FSTL5: variants seen among roughly 807,000 people sequenced by gnomAD.
FSTL5 encodes the protein follistatin like 5.
Under a neutral mutation model 89.1 loss-of-function variants are expected in FSTL5, and 62 were observed. The ratio of observed to expected loss-of-function variants is 0.70; its 90% CI spans 0.57 to 0.86. The LOEUF is 0.86. Ranked by LOEUF, FSTL5 falls within the 40% of genes least tolerant of loss-of-function variation. The pLI is 0.00. For synonymous variants in FSTL5, 383 were observed against 346.2 expected (o/e 1.11, Z -1.18); for missense variants, 1,057 against 1,001.6 (o/e 1.06, Z -0.75).
At chr4:161,457,893 A>G (rs1193658008) in intron 14 of FSTL5, among the ~76,000 whole-genome samples, 5 of 152,182 alleles carry the variant, frequency 3.3e-5, no homozygotes, top group East Asian at 1.9e-4. Context: ...GATTGGCTCT[A>G]TCACTCCATC....
At chr4:161,696,288 T>C (rs965486451) in intron 6 of FSTL5, among the ~76,000 whole-genome samples, 1 of 152,226 alleles carries the variant, frequency 6.6e-6, no homozygotes, top group Non-Finnish European at 1.5e-5. Context: ...GGTTTATTAC[T>C]GGGTTCTCTA....
At chr4:161,489,891 C>T (rs1423665452) in intron 12 of FSTL5, among the ~76,000 whole-genome samples, 1 of 151,178 alleles carries the variant, frequency 6.6e-6, no homozygotes, top group African/African-American at 2.4e-5. Context: ...GCTTTTAAAA[C>T]ATGGCTGCAG....
At chr4:161,694,449 T>C (rs1738065928) in intron 6 of FSTL5, among the ~76,000 whole-genome samples, 1 of 152,056 alleles carries the variant, frequency 6.6e-6, no homozygotes. Context: ...ACAGAATTTC[T>C]GTTTTTTTTA....
intron 6 of FSTL5, among the ~76,000 whole-genome samples, chr4:161,658,216 A>C (rs2126683916): frequency 6.6e-6 from 1 of 152,092 alleles, no homozygotes; most frequent in African/African-American, 2.4e-5. Flanking sequence ...CTGTAATTTC[A>C]GCATCGGGAG....
rs563151460 is a variant in FSTL5, at chr4:162,005,015, A to G, written c.160+28610T>C. On this transcript the variant is annotated intron_variant, in intron 3 of 15. Transcript: ENST00000306100. ...TGTATTATCCTTATAAAATTTGTAAACTCTTTAAAATAGCCTGCCAGATGC... is the reference window on the plus strand; with the variant it reads ...TGTATTATCCTTATAAAATTTGTAAGCTCTTTAAAATAGCCTGCCAGATGC... Among the ~76,000 whole-genome samples the G allele has an allele frequency of 1.3e-3, 200 of 152,102 alleles. 1 individual carries two copies. The highest frequency in any genetic ancestry group is 2.1e-3 in the Non-Finnish European group (141 of 67,964).
At chr4:162,006,182 C>T (rs955103294) in intron 3 of FSTL5, among the ~76,000 whole-genome samples, 1 of 151,610 alleles carries the variant, frequency 6.6e-6, no homozygotes, top group Non-Finnish European at 1.5e-5. Context: ...ATTTAATTTG[C>T]TTATGCTTTA....
rs140706859 is a variant in FSTL5, at chr4:161,511,915, C to T, written c.1313-1491G>A. 5.3e-5 allele frequency among the ~76,000 whole-genome samples: 8 copies of T among 152,042 alleles called. No individual in the cohort carries two copies. In the East Asian group the frequency reaches 1.5e-3, roughly 29 times the overall value. On this transcript the variant is annotated intron_variant, in intron 10 of 15. Coordinates refer to ENST00000306100, the MANE Select transcript of FSTL5 (RefSeq NM_020116.5). The stretch of plus-strand genomic sequence containing the variant: ...AGAAATGTAATATTACCAAAGCTTA[C>T]AAGAGTGCTGTGCGGTGTAGGGGGC...
chr4:162,041,028 T>G (rs983673916), intron 2 of FSTL5, among the ~76,000 whole-genome samples: 6 of 151,920 alleles, frequency 3.9e-5, no homozygotes, highest in African/African-American at 1.5e-4. Flanking sequence ...GGTGGAGGGA[T>G]AGGCAGAGAC....
At chr4:161,704,742 C>G (rs12647746) in intron 6 of FSTL5, among the ~76,000 whole-genome samples, 40,868 of 151,908 alleles carry the variant, frequency 0.27, 6,057 homozygotes, top group Middle Eastern at 0.41. Flanking sequence ...TTGCTTCACT[C>G]TATTTTCAGA....
At chr4:162,094,220 T>C (rs555862293) in intron 2 of FSTL5, among the ~76,000 whole-genome samples, 1 of 152,182 alleles carries the variant, frequency 6.6e-6, no homozygotes, top group Admixed American at 6.6e-5. Context: ...ACCCCTTCTC[T>C]ACTAAAAATA....
chr4:162,149,247 G>A (rs958259446), intron 1 of FSTL5, among the ~76,000 whole-genome samples: 5 of 151,978 alleles, frequency 3.3e-5, no homozygotes, highest in African/African-American at 1.2e-4. Flanking sequence ...GGTGGCTCAC[G>A]CCTGTAATCC....
chr4:161,674,820 C>T (rs1056808394), intron 6 of FSTL5, among the ~76,000 whole-genome samples: 2 of 152,084 alleles, frequency 1.3e-5, no homozygotes. Context: ...CAAGACATAC[C>T]CTACTCTGTT....
chr4:161,611,022 T>G (rs1311801994), intron 7 of FSTL5, among the ~76,000 whole-genome samples: 2 of 151,550 alleles, frequency 1.3e-5, no homozygotes, highest in African/African-American at 4.8e-5. Flanking sequence ...CATTACTCAA[T>G]TCAGCATTCT....
intron 4 of FSTL5, among the ~76,000 whole-genome samples, chr4:161,892,300 C>T (rs1424164916): frequency 1.3e-5 from 2 of 151,880 alleles, no homozygotes; most frequent in Admixed American, 6.6e-5. Context: ...AATCTAAATG[C>T]TCATTTTGTT....
chr4:162,112,775 T>A (rs372067122), intron 1 of FSTL5, among the ~76,000 whole-genome samples: 2 of 139,328 alleles, frequency 1.4e-5, no homozygotes, highest in Non-Finnish European at 3.1e-5. Flanking sequence ...ACCGACACAA[T>A]CACACACACA....
At chr4:161,738,007 A>G (rs1739880772) in intron 6 of FSTL5, among the ~76,000 whole-genome samples, 1 of 152,078 alleles carries the variant, frequency 6.6e-6, no homozygotes, top group East Asian at 1.9e-4. Context: ...ATAAATTAAG[A>G]CTATGAATAA....
At chr4:161,505,249 C>T (rs1245995775) in intron 11 of FSTL5, among the ~76,000 whole-genome samples, 1 of 152,116 alleles carries the variant, frequency 6.6e-6, no homozygotes, top group Non-Finnish European at 1.5e-5. Flanking sequence ...ATCTTTGGTT[C>T]ATGAATGTTC....
intron 7 of FSTL5, among the ~76,000 whole-genome samples, chr4:161,634,875 T>C (rs1031457935): frequency 6.6e-6 from 1 of 152,218 alleles, no homozygotes; most frequent in African/African-American, 2.4e-5. Context: ...TGCTAATTAT[T>C]ATCATCACAC....
In FSTL5 at chr4:161,510,465, G is replaced by A. The variant is rs10019848; in HGVS notation, c.1313-41C>T. Reference sequence around the variant, plus strand: ...AGAAAAAGAAGAAAAAGAAAAATGAGTAAAGAGAGCTTTTGCTATATGGTA... The same window carrying A: ...AGAAAAAGAAGAAAAAGAAAAATGAATAAAGAGAGCTTTTGCTATATGGTA... On this transcript the variant is annotated intron_variant, in intron 10 of 15. Transcript: ENST00000306100. 3.5e-3 allele frequency: 4,276 copies of A among 1,237,056 alleles called. 103 individuals carry two copies. In the African/African-American group the frequency reaches 0.056, roughly 16 times the overall value. 76.6% of individuals were successfully genotyped at this position (1,237,056 alleles called of 1,614,324 possible). A position where few individuals can be genotyped will look rare whatever the true frequency, so the allele number is the denominator to read the frequency against.
Sources: gnomAD v4.1 joint callset for allele counts (sites outside exome capture counted in the v4.1 genomes callset) on GRCh38, gnomAD v4.1.1 for gene constraint, MANE v1.5 for transcripts, NCBI Gene and HGNC (gene_info 2026-07-23, HGNC 2026-07-21) for gene names.